The following DUSP22 variants were observed in gnomAD, a reference collection of about 807,000 sequenced individuals.
DUSP22 encodes the protein dual specificity phosphatase 22.
DUSP22 carries 24 observed loss-of-function variants against 24.5 expected under a neutral mutation model. The observed-to-expected ratio is 0.98, with a 90% confidence interval of 0.71 to 1.38. DUSP22 has a LOEUF of 1.38. Ranked by LOEUF, DUSP22 falls within the 40% of genes most tolerant of loss-of-function variation. DUSP22 has a pLI of 0.00. For synonymous variants in DUSP22, 160 were observed against 106.4 expected, an observed-to-expected ratio of 1.50 and a Z score of -3.10; for missense variants, 330 against 269.2, an observed-to-expected ratio of 1.23 and a Z score of -1.58.
At chr6:312,034 A>G (rs768194499) in intron 3 of DUSP22, 72 bp downstream of exon 3, 47 of 977,350 alleles carry the variant, frequency 4.8e-5, no homozygotes, top group South Asian at 2.7e-4. Flanking sequence ...GACGTTAATG[A>G]AGGCAACCAG....
chr6:315,232 A>C (rs1312657875), intron 3 of DUSP22, among the ~76,000 whole-genome samples: 2 of 152,306 alleles, frequency 1.3e-5, no homozygotes, highest in Admixed American at 1.3e-4. Context: ...CAAGCTCTCT[A>C]GTAAGCCCTA....
At chr6:324,271 A>G (rs981240722) in intron 3 of DUSP22, among the ~76,000 whole-genome samples, 4 of 152,414 alleles carry the variant, frequency 2.6e-5, no homozygotes, top group Admixed American at 6.5e-5. Context: ...GTGCCATGCT[A>G]GCAGCGGCAG....
At chr6:331,050 T>C (rs1319573150) in intron 3 of DUSP22, among the ~76,000 whole-genome samples, 1 of 152,426 alleles carries the variant, frequency 6.6e-6, no homozygotes, top group Non-Finnish European at 1.5e-5. Context: ...TCATCGCTGC[T>C]CTTTCTTTGT....
intron 3 of DUSP22, among the ~76,000 whole-genome samples, chr6:332,431 G>A (rs1051719602): frequency 6.6e-6 from 1 of 152,306 alleles, no homozygotes; most frequent in Non-Finnish European, 1.5e-5. Flanking sequence ...CCGTCTTCCT[G>A]TGGGTAGATT....
chr6:348,107 G>A lies in DUSP22; in HGVS notation c.268G>A (p.Ala90Thr), dbSNP rs199905918. ...GTGCTTCTCTTGGCCCCGCAGCCTGGCCGGGGTCTCCAGGAGCGTGACACT... is the reference window on the plus strand; with the variant it reads ...GTGCTTCTCTTGGCCCCGCAGCCTGACCGGGGTCTCCAGGAGCGTGACACT... ...RGESCLVHCL[A>T]GVSRSVTLVI... Residue 90 changes from alanine (A) to threonine (T), a missense_variant, in exon 6 of 7, where the codon GCC becomes ACC. By Grantham distance (58) the Ala-to-Thr change is moderately conservative (BLOSUM62 0). Transcript: ENST00000419235. 2 of 1,614,196 alleles carry A rather than the reference G, an allele frequency of 1.2e-6. No homozygotes were observed. The highest frequency in any genetic ancestry group is 2.2e-5 in the East Asian group (1 of 44,884).
At chr6:332,426 T>C (rs1191783245) in intron 3 of DUSP22, among the ~76,000 whole-genome samples, 2 of 152,304 alleles carry the variant, frequency 1.3e-5, no homozygotes, top group African/African-American at 4.8e-5. Flanking sequence ...CTTTGCCGTC[T>C]TCCTGTGGGT....
intron 3 of DUSP22, among the ~76,000 whole-genome samples, chr6:333,929 C>A (rs1419182508): frequency 6.6e-6 from 1 of 152,306 alleles, no homozygotes; most frequent in Non-Finnish European, 1.5e-5. Flanking sequence ...CTCACAATGT[C>A]AGGGGCTATT....
intron 1 of DUSP22, among the ~76,000 whole-genome samples, chr6:303,952 A>G (rs1757700100): frequency 1.3e-5 from 2 of 152,304 alleles, no homozygotes; most frequent in African/African-American, 2.4e-5. Context: ...AAGAGTTGAC[A>G]TTTTGCAACA....
intron 1 of DUSP22, among the ~76,000 whole-genome samples, chr6:296,587 C>T (rs1397028755): frequency 3.3e-5 from 5 of 152,298 alleles, no homozygotes; most frequent in African/African-American, 7.2e-5. Context: ...AAAGTTCTCT[C>T]GAGTCTGAAC....
intron 4 of DUSP22, among the ~76,000 whole-genome samples, chr6:339,578 G>C (rs1305559579): frequency 6.6e-6 from 1 of 152,292 alleles, no homozygotes; most frequent in Non-Finnish European, 1.5e-5. Context: ...AAGTCCAAGG[G>C]CATTTGATCT....
In DUSP22 at chr6:350,414, C is replaced by G; in HGVS notation, c.*1463C>G. 9.0e-7 allele frequency: 1 copy of G among 1,107,848 alleles called. No homozygotes were observed. Among genetic ancestry groups the G allele is most frequent in the Non-Finnish European group, 1.1e-6 (1 of 904,868 alleles). 68.6% of individuals were successfully genotyped at this position (1,107,848 alleles called of 1,614,324 possible). A position where few individuals can be genotyped will look rare whatever the true frequency, so the allele number is the denominator to read the frequency against. On this transcript the variant is annotated 3_prime_UTR_variant, in exon 7 of 7. Transcript: ENST00000419235. ...ACTCGAATGAAAAAACATACTCGAC[C>G]TCTCCCTAAAAAGATGTTGCAACCC... is the stretch of plus-strand genomic sequence containing the variant.
chr6:299,119 T>C (rs1452834410), intron 1 of DUSP22, among the ~76,000 whole-genome samples: 1 of 152,304 alleles, frequency 6.6e-6, no homozygotes, highest in African/African-American at 2.4e-5. Context: ...TTCAGCATAG[T>C]GGGACATTCC....
At chr6:330,471 A>G (rs1194054303) in intron 3 of DUSP22, among the ~76,000 whole-genome samples, 1 of 152,308 alleles carries the variant, frequency 6.6e-6, no homozygotes, top group Non-Finnish European at 1.5e-5. Flanking sequence ...AGTGAATGTT[A>G]GAAATCATGC....
chr6:331,699 C>T (rs1759147774), intron 3 of DUSP22, among the ~76,000 whole-genome samples: 1 of 152,304 alleles, frequency 6.6e-6, no homozygotes, highest in South Asian at 2.1e-4. Context: ...GAATTGTACA[C>T]ATGTGCAGGT....
At chr6:312,339 A>G (rs530697232) in intron 3 of DUSP22, among the ~76,000 whole-genome samples, 1 of 152,300 alleles carries the variant, frequency 6.6e-6, no homozygotes, top group Non-Finnish European at 1.5e-5. Flanking sequence ...ATTTTGTCCC[A>G]TTTAAACTCA....
At chr6:295,845 T>C (rs1198949530) in intron 1 of DUSP22, among the ~76,000 whole-genome samples, 2 of 151,668 alleles carry the variant, frequency 1.3e-5, no homozygotes, top group African/African-American at 4.8e-5. Flanking sequence ...TTGTGAACCA[T>C]TTTTTTTAAC....
At chr6:327,934 T>A (rs1213591308) in intron 3 of DUSP22, among the ~76,000 whole-genome samples, 1 of 152,420 alleles carries the variant, frequency 6.6e-6, no homozygotes, top group African/African-American at 2.4e-5. Context: ...GGAAGGGGGT[T>A]GTGGACAGAT....
intron 1 of DUSP22, among the ~76,000 whole-genome samples, chr6:292,852 C>T (rs1481532571): frequency 2.0e-5 from 3 of 152,274 alleles, no homozygotes; most frequent in Non-Finnish European, 2.9e-5. Context: ...GACACTTGTT[C>T]TGCCGAGAGG....
intron 3 of DUSP22, among the ~76,000 whole-genome samples, chr6:319,229 G>A (rs1758475255): frequency 6.6e-6 from 1 of 152,308 alleles, no homozygotes; most frequent in African/African-American, 2.4e-5. Context: ...AGAAGGGAAG[G>A]GGGTCTGTGG....
Sources: gnomAD v4.1 joint callset for allele counts (sites outside exome capture counted in the v4.1 genomes callset) on GRCh38, gnomAD v4.1.1 for gene constraint, MANE v1.5 for transcripts, NCBI Gene and HGNC (gene_info 2026-07-23, HGNC 2026-07-21) for gene names.